ABCB8: variants seen among roughly 807,000 people sequenced by gnomAD.
ABCB8 encodes the protein mitochondrial potassium channel ATP-binding subunit.
In ABCB8, 52 loss-of-function variants were observed where a neutral mutation model predicts 73.0. That is an observed-to-expected ratio of 0.71 (90% CI 0.57 to 0.90). The LOEUF is 0.90. Ranked by LOEUF, ABCB8 falls within the 40% of genes least tolerant of loss-of-function variation. The pLI is 0.00. For synonymous variants in ABCB8, 428 were observed against 423.5 expected (o/e 1.01, Z -0.13); for missense variants, 909 against 974.6 (o/e 0.93, Z 0.90).
Position 151,044,171 on chromosome 7 carries a change from G to A in ABCB8, c.1966G>A (p.Val656Ile). 3 of 1,610,508 alleles carry A rather than the reference G, an allele frequency of 1.9e-6. No homozygotes were observed. The highest frequency in any genetic ancestry group is 2.5e-6 in the Non-Finnish European group (3 of 1,177,048). Residue 656 changes from valine to isoleucine, a missense_variant, in exon 15 of 16, where the codon GTC becomes ATC. Physicochemically the swap from Val to Ile is conservative, Grantham distance 29 (BLOSUM62 3). Transcript: ENST00000358849. ...GGTAATTGCCCACCGGCTCAGCACT[G>A]TCCGTGGGGCCCACTGCATTGTCGT... ...VLVIAHRLST[V>I]RGAHCIVVMA...
Position 151,028,604 on chromosome 7 carries a change from C to T in ABCB8, c.89C>T (p.Ala30Val). 1 of 1,613,578 alleles carries T rather than the reference C, an allele frequency of 6.2e-7. No individual in the cohort carries two copies. The highest frequency in any genetic ancestry group is 1.3e-5 in the African/African-American group (1 of 75,054). ...CCCCTCCGCTTCCAGACATTCTCAG[C>T]TGTCAGGTAAAAACGGAAAAACCTA... Reference protein sequence around the residue: ...LPPLRFQTFSAVRYSDGYRSS... With the variant: ...LPPLRFQTFSVVRYSDGYRSS... Residue 30 changes from alanine to valine, a missense_variant, in exon 1 of 16, where the codon GCT becomes GTT. Ala to Val is a moderately conservative substitution (Grantham distance 64). Transcript: ENST00000358849.
rs566864336 is a variant in ABCB8 at position 151,033,645 on chromosome 7, G to T, written c.136G>T (p.Val46Leu). Residue 46 changes from valine (V) to leucine (L), a missense_variant, in exon 2 of 16, where the codon GTG becomes TTG. Physicochemically the swap from Val to Leu is conservative, Grantham distance 32. Transcript: ENST00000358849. ...CCGCAGCTCCTCCCTCCTCCGGGCCGTGGCCCACCTGCGGTCCCAGCTCTG... is the reference window on the plus strand; with the variant it reads ...CCGCAGCTCCTCCCTCCTCCGGGCCTTGGCCCACCTGCGGTCCCAGCTCTG... ...GYRSSSLLRAVAHLRSQLWAH... is the reference protein window; with the variant it reads ...GYRSSSLLRALAHLRSQLWAH... 1 of 1,601,348 alleles carries T rather than the reference G, an allele frequency of 6.2e-7. No homozygotes were observed.
rs1796582067 is a variant in ABCB8 at position 151,045,231 on chromosome 7, T to C, written c.2039T>C (p.Leu680Pro). The change falls in exon 16 of 16, where the codon CTG becomes CCG. Residue 680 changes from leucine to proline, a missense_variant. By Grantham distance (98) the Leu-to-Pro change is moderately conservative. Transcript: ENST00000358849. ...VWEAGTHEEL[L>P]KKGGLYAELI... ...CAGGCTGGGACACATGAAGAGCTCCTGAAGAAAGGCGGGCTATACGCCGAG... is the reference window on the plus strand; with the variant it reads ...CAGGCTGGGACACATGAAGAGCTCCCGAAGAAAGGCGGGCTATACGCCGAG... The C allele has an allele frequency of 6.3e-7, 1 of 1,592,640 alleles. No individual in the cohort carries two copies. The highest frequency in any genetic ancestry group is 8.6e-7 in the Non-Finnish European group (1 of 1,168,538).
chr7:151,028,873 C>T (rs1374988403), intron 1 of ABCB8: 8 of 1,523,468 alleles, frequency 5.3e-6, no homozygotes, highest in South Asian at 1.2e-5. Flanking sequence ...ACGCCCAGTC[C>T]GCACTCCCGA....
chr7:151,047,189 G>C lies in ABCB8; in HGVS notation c.*1840G>C, dbSNP rs1289299539. ...ACACCAGATTTATATCTTCTGGGCGGCTTCTTTAAATCCAGCCCTTCACCC... is the reference window on the plus strand; with the variant it reads ...ACACCAGATTTATATCTTCTGGGCGCCTTCTTTAAATCCAGCCCTTCACCC... On this transcript the variant is annotated 3_prime_UTR_variant, in exon 16 of 16. Transcript: ENST00000358849. The C allele has an allele frequency of 6.6e-6, 1 of 152,234 alleles. No homozygotes were observed. The highest frequency in any genetic ancestry group is 6.5e-5 in the Admixed American group (1 of 15,286). The allele number at this position is 152,234 out of a possible 1,614,324, so 9.4% of individuals were successfully genotyped here. A position where few individuals can be genotyped will look rare whatever the true frequency, so the allele number is the denominator to read the frequency against.
intron 1 of ABCB8, chr7:151,031,338 C>G (rs1421696632): frequency 3.3e-6 from 5 of 1,523,752 alleles, no homozygotes; most frequent in Admixed American, 2.0e-5. Flanking sequence ...CAGTGGAAAA[C>G]AAGACATAAA....
chr7:151,042,166 C>T (rs898163504), intron 14 of ABCB8, 58 bp downstream of exon 14: 13 of 1,599,502 alleles, frequency 8.1e-6, no homozygotes, highest in Non-Finnish European at 1.0e-5. Flanking sequence ...CAGGATTCCA[C>T]AGGAGCAGTG....
intron 1 of ABCB8, chr7:151,033,363 C>T: frequency 3.7e-6 from 5 of 1,348,654 alleles, no homozygotes; most frequent in Non-Finnish European, 9.6e-7. Context: ...GAGAGTTGCC[C>T]AGGGGAATAA....
At chr7:151,034,954 AC>A in intron 5 of ABCB8, 125 bp downstream of exon 5, 1 of 807,338 alleles carries the variant, frequency 1.2e-6, no homozygotes, top group Non-Finnish European at 2.0e-6. Flanking sequence ...CGAGAAACCC[AC>A]TGCCTGTGAG....
rs1471829668 is a variant in ABCB8, at chr7:151,047,625, C to G, written c.*2276C>G. 1 of 152,186 alleles carries G rather than the reference C, an allele frequency of 6.6e-6. No homozygotes were observed. Among genetic ancestry groups the G allele is most frequent in the Non-Finnish European group, 1.5e-5 (1 of 68,048 alleles). 9.4% of individuals were successfully genotyped at this position (152,186 alleles called of 1,614,324 possible). On this transcript the variant is annotated 3_prime_UTR_variant, in exon 16 of 16. Transcript: ENST00000358849. ...TGTGCACACGTTTGGCTGGTGGAAC[C>G]ATGTTTCTACCACTCATGGTCAAAA...
chr7:151,032,180 T>G (rs1363136516), intron 1 of ABCB8, among the ~76,000 whole-genome samples: 1 of 152,270 alleles, frequency 6.6e-6, no homozygotes, highest in African/African-American at 2.4e-5. Flanking sequence ...CCCCCACCTG[T>G]GCCTGGCCTG....
intron 8 of ABCB8, 129 bp downstream of exon 8, chr7:151,036,299 C>A: frequency 9.7e-7 from 1 of 1,027,446 alleles, no homozygotes; most frequent in Non-Finnish European, 1.4e-6. Flanking sequence ...GCTGCTAACT[C>A]TTGCAGGTAA....
In ABCB8 at chr7:151,034,749, A is replaced by T; in HGVS notation, c.685A>T (p.Asn229Tyr). ...ACAAGACATCACCTTCTTTGACGCC[A>T]ATAAGACAGGGCAGCTGGTGAGCCG... ...LRQDITFFDA[N>Y]KTGQLVSRLT... Residue 229 changes from asparagine to tyrosine, a missense_variant, in exon 5 of 16, where the codon AAT (asparagine) becomes TAT (tyrosine). Coordinates refer to ENST00000358849, the MANE Select transcript of ABCB8 (RefSeq NM_007188.5). 6.2e-7 allele frequency: 1 copy of T among 1,614,104 alleles called. No homozygotes were observed. Among genetic ancestry groups the T allele is most frequent in the East Asian group, 2.2e-5 (1 of 44,882 alleles).
At chr7:151,043,463 A>T (rs1364389836) in intron 14 of ABCB8, among the ~76,000 whole-genome samples, 1 of 131,366 alleles carries the variant, frequency 7.6e-6, no homozygotes. Context: ...ACTAGGGTGC[A>T]CAGTGCGGGG....
Position 151,040,617 on chromosome 7 carries a change from T to A in ABCB8, c.1371T>A (p.Phe457Leu). The A allele has an allele frequency of 6.2e-7, 1 of 1,612,838 alleles. No homozygotes were observed. Among genetic ancestry groups the A allele is most frequent in the Non-Finnish European group, 8.5e-7 (1 of 1,179,770 alleles). Residue 457 changes from phenylalanine (F) to leucine (L), a missense_variant, in exon 11 of 16, where the codon TTT (phenylalanine) becomes TTA (leucine). Transcript: ENST00000358849. ...AGCAGCTGCGTGGCTCCGTTACATT[T>A]CAGAACGTCTGCTTCAGGTCAGCAC... ...PKEQLRGSVT[F>L]QNVCFSYPCR...
At chr7:151,028,709 G>A in intron 1 of ABCB8, 99 bp downstream of exon 1, 1 of 1,553,502 alleles carries the variant, frequency 6.4e-7, no homozygotes. Context: ...CGCGAGGCTT[G>A]CTGGGAGCTG....
At chr7:151,037,401 T>G in intron 9 of ABCB8, 1 of 696,040 alleles carries the variant, frequency 1.4e-6, no homozygotes, top group Admixed American at 2.0e-5. Context: ...ACCCCACCCT[T>G]ATAGCTTATT....
chr7:151,039,031 G>T (rs1796386150), intron 9 of ABCB8: 1 of 152,252 alleles, frequency 6.6e-6, no homozygotes, highest in African/African-American at 2.4e-5. Flanking sequence ...ATGGGGAGGT[G>T]CCCAGACAGA....
At chr7:151,033,960 C>G in intron 2 of ABCB8, 43 bp downstream of exon 2, 1 of 1,525,442 alleles carries the variant, frequency 6.6e-7, no homozygotes, top group Non-Finnish European at 8.8e-7. Flanking sequence ...CAGGGCAGGA[C>G]CCAGAGCTGC....
Sources: gnomAD v4.1 joint callset for allele counts (sites outside exome capture counted in the v4.1 genomes callset) on GRCh38, gnomAD v4.1.1 for gene constraint, MANE v1.5 for transcripts, NCBI Gene and HGNC (gene_info 2026-07-23, HGNC 2026-07-21) for gene names.